TMCC3: variants seen among roughly 807,000 people sequenced by gnomAD.
The protein encoded by TMCC3 is transmembrane and coiled-coil domain protein 3.
TMCC3 carries 28 observed loss-of-function variants against 40.2 expected under a neutral mutation model. The observed-to-expected ratio is 0.70, with a 90% CI of 0.52 to 0.95. The LOEUF (loss-of-function observed/expected upper bound fraction) is 0.95, where lower values mean the gene tolerates loss of function less well. Ranked by LOEUF, TMCC3 falls within the 40% of genes least tolerant of loss-of-function variation. The pLI is 0.00. For missense variants in TMCC3, 554 were observed against 615.2 expected (o/e 0.90, Z 1.05); for synonymous variants, 255 against 248.5 (o/e 1.03, Z -0.25).
chr12:94,648,628 ACT>A (rs2069034397), intron 1 of TMCC3, among the ~76,000 whole-genome samples: 1 of 152,166 alleles, frequency 6.6e-6, no homozygotes, highest in African/African-American at 2.4e-5. Context: ...CGGCAGAAAC[ACT>A]CTGCAGTTAC....
At chr12:94,632,922 C>T (rs1360845387) in intron 1 of TMCC3, among the ~76,000 whole-genome samples, 4 of 152,088 alleles carry the variant, frequency 2.6e-5, no homozygotes, top group Non-Finnish European at 4.4e-5. Flanking sequence ...GCCTGGCCAA[C>T]AGGGTGAAAC....
chr12:94,641,653 A>C (rs1428607102), intron 1 of TMCC3, among the ~76,000 whole-genome samples: 1 of 152,150 alleles, frequency 6.6e-6, no homozygotes, highest in African/African-American at 2.4e-5. Context: ...TATTGTATGC[A>C]AATTTTATAT....
At chr12:94,611,807 C>A (rs1259723107) in intron 1 of TMCC3, among the ~76,000 whole-genome samples, 1 of 150,996 alleles carries the variant, frequency 6.6e-6, no homozygotes, top group Non-Finnish European at 1.5e-5. Flanking sequence ...AGTACAGATG[C>A]AATTTTTCTT....
At position 94,571,333 on chromosome 12, in the gene TMCC3, C is replaced by T. The variant is rs751032424; in HGVS notation, c.*102G>A. The T allele has an allele frequency of 1.6e-5, 20 of 1,240,550 alleles. No homozygotes were observed. In the African/African-American group the frequency reaches 1.8e-4, roughly 11 times the overall value. The allele number at this position is 1,240,550 out of a possible 1,614,324, so 76.8% of individuals were successfully genotyped here. A position where few individuals can be genotyped will look rare whatever the true frequency, so the allele number is the denominator to read the frequency against. The stretch of plus-strand genomic sequence containing the variant: ...CACCACACAGTCCTAGTTTTTCTTA[C>T]ACACGAGTCCGCACAATCATTCACT... On this transcript the variant is annotated 3_prime_UTR_variant, in exon 4 of 4. Transcript: ENST00000261226.
At chr12:94,637,606 G>C (rs937443469) in intron 1 of TMCC3, among the ~76,000 whole-genome samples, 1 of 152,224 alleles carries the variant, frequency 6.6e-6, no homozygotes, top group African/African-American at 2.4e-5. Context: ...AATTTAAAAT[G>C]CACATGCCCT....
chr12:94,579,890 T>C (rs1051082740), intron 2 of TMCC3, among the ~76,000 whole-genome samples: 6 of 152,226 alleles, frequency 3.9e-5, no homozygotes, highest in African/African-American at 1.4e-4. Context: ...GGAGAAAATG[T>C]GCATCTAGAA....
intron 1 of TMCC3, 22 bp from the exon 2 acceptor site, chr12:94,582,560 C>T (rs763000744): frequency 1.3e-6 from 2 of 1,554,394 alleles, no homozygotes; most frequent in African/African-American, 1.4e-5. Flanking sequence ...AGGAAAGAAG[C>T]ACATTAAAAT....
chr12:94,578,629 T>G, intron 2 of TMCC3, 100 bp from the exon 3 acceptor site: 2 of 1,338,508 alleles, frequency 1.5e-6, no homozygotes, highest in Non-Finnish European at 2.0e-6. Context: ...TGGCTTGCTC[T>G]CATTCCCTGA....
intron 1 of TMCC3, among the ~76,000 whole-genome samples, chr12:94,630,698 G>A (rs191285632): frequency 3.3e-5 from 5 of 152,060 alleles, no homozygotes; most frequent in South Asian, 2.1e-4. Flanking sequence ...TACTTTCTGC[G>A]TATATCTTGT....
intron 1 of TMCC3, among the ~76,000 whole-genome samples, chr12:94,648,205 T>C (rs2138891568): frequency 1.3e-5 from 2 of 151,718 alleles, no homozygotes; most frequent in African/African-American, 4.9e-5. Flanking sequence ...TACAATAACA[T>C]TGTCAGTAGA....
intron 1 of TMCC3, among the ~76,000 whole-genome samples, chr12:94,602,055 G>T (rs1010655461): frequency 6.6e-6 from 1 of 152,054 alleles, no homozygotes; most frequent in Admixed American, 6.5e-5. Context: ...TTGAAAAACA[G>T]TGTGTTATAA....
At position 94,611,769 on chromosome 12, in the gene TMCC3, C is replaced by CAA. The variant is rs200252242; in HGVS notation, c.79-29233_79-29232dup. Among the ~76,000 whole-genome samples, 251 of 141,490 alleles carry CAA rather than the reference C, an allele frequency of 1.8e-3. 1 individual carries two copies. Among genetic ancestry groups the CAA allele is most frequent in the Middle Eastern group, 0.017 (5 of 292 alleles). The allele number at this position is 141,490 out of a possible 152,430, so 92.8% of individuals were successfully genotyped here. A position where few individuals can be genotyped will look rare whatever the true frequency, so the allele number is the denominator to read the frequency against. On this transcript the variant is annotated intron_variant, in intron 1 of 3. Transcript: ENST00000261226. ...AGTTGTATTTTTTAGGGAATAATGA[C>CAA]AAAAAAAAAAACACTCGGTACCTGT...
At chr12:94,611,586 G>T (rs1417337563) in intron 1 of TMCC3, among the ~76,000 whole-genome samples, 1 of 152,138 alleles carries the variant, frequency 6.6e-6, no homozygotes, top group African/African-American at 2.4e-5. Flanking sequence ...TGGGGGATTG[G>T]TTCTAGGACC....
intron 3 of TMCC3, 29 bp downstream of exon 3, chr12:94,578,365 C>T: frequency 6.2e-7 from 1 of 1,610,040 alleles, no homozygotes; most frequent in East Asian, 2.2e-5. Context: ...AGAGCCCAGG[C>T]CTGTGTCTAA....
At position 94,650,474 on chromosome 12, in the gene TMCC3, GC is replaced by G; in HGVS notation, c.-45del. 1 of 1,234,950 alleles carries G rather than the reference GC, an allele frequency of 8.1e-7. No homozygotes were observed. Among genetic ancestry groups the G allele is most frequent in the Non-Finnish European group, 1.0e-6 (1 of 984,344 alleles). The allele number at this position is 1,234,950 out of a possible 1,614,324, so 76.5% of individuals were successfully genotyped here. On this transcript the variant is annotated 5_prime_UTR_variant, in exon 1 of 4. Coordinates refer to ENST00000261226, the MANE Select transcript of TMCC3 (RefSeq NM_020698.4). ...AACTTTCCCGTCTTCTGGGGCTGCC[GC>G]GCCGCGAGCCACCGGCTGTGCTCGG... is the stretch of plus-strand genomic sequence containing the variant.
At chr12:94,606,893 C>A (rs908879232) in intron 1 of TMCC3, among the ~76,000 whole-genome samples, 2 of 152,160 alleles carry the variant, frequency 1.3e-5, no homozygotes. Context: ...TGATAAACAT[C>A]TTAACAGGAA....
At chr12:94,595,237 G>A (rs2068708543) in intron 1 of TMCC3, among the ~76,000 whole-genome samples, 2 of 152,092 alleles carry the variant, frequency 1.3e-5, no homozygotes, top group Admixed American at 1.3e-4. Flanking sequence ...GGAAAGAGGT[G>A]GGTATACTTT....
chr12:94,633,216 A>G (rs1566335323), intron 1 of TMCC3, among the ~76,000 whole-genome samples: 1 of 152,240 alleles, frequency 6.6e-6, no homozygotes, highest in Non-Finnish European at 1.5e-5. Flanking sequence ...CATGTAATAC[A>G]ATAAATTGTT....
intron 1 of TMCC3, among the ~76,000 whole-genome samples, chr12:94,626,406 A>T (rs1467777564): frequency 6.6e-6 from 1 of 152,236 alleles, no homozygotes; most frequent in African/African-American, 2.4e-5. Flanking sequence ...TTTGAAACAC[A>T]GAAACAAGAG....
Sources: gnomAD v4.1 joint callset for allele counts (sites outside exome capture counted in the v4.1 genomes callset) on GRCh38, gnomAD v4.1.1 for gene constraint, MANE v1.5 for transcripts, NCBI Gene and HGNC (gene_info 2026-07-23, HGNC 2026-07-21) for gene names.